Variants in SNRPN observed in about 807,000 individuals in gnomAD.
The protein encoded by SNRPN is small nuclear ribonucleoprotein polypeptide N, also known as small nuclear ribonucleoprotein-associated protein N.
Under a neutral mutation model 25.2 loss-of-function variants are expected in SNRPN, and 7 were observed. The observed-to-expected ratio is 0.28, with a 90% CI of 0.16 to 0.52. The LOEUF (loss-of-function observed/expected upper bound fraction) is 0.52. Among genes scored for constraint, SNRPN ranks in the 20% least tolerant of loss-of-function variants. The probability of loss-of-function intolerance (pLI) is 0.96; values close to 1 mark genes in which losing one functional copy is unlikely to be tolerated. For synonymous variants in SNRPN, 124 were observed against 110.6 expected (o/e 1.12, Z -0.76); for missense variants, 196 against 322.5 (o/e 0.61, Z 3.00).
upstream of SNRPN, among the ~76,000 whole-genome samples, chr15:24,950,644 C>T (rs1403785131): frequency 7.0e-6 from 1 of 143,540 alleles, no homozygotes; most frequent in Non-Finnish European, 1.5e-5. Context: ...ACCTCTCAGG[C>T]TCAAGTGATT....
At chr15:24,840,879 C>T (rs781686329) in intron 2 of SNRPN, among the ~76,000 whole-genome samples, 8 of 152,114 alleles carry the variant, frequency 5.3e-5, no homozygotes, top group Non-Finnish European at 1.0e-4. Context: ...CGGAGTCTTG[C>T]TCTGTCACCC....
chr15:24,900,275 C>T (rs142283381), intron 2 of SNRPN, among the ~76,000 whole-genome samples: 1 of 151,976 alleles, frequency 6.6e-6, no homozygotes, highest in East Asian at 1.9e-4. Context: ...ACTTCCATGG[C>T]GACTATAAAG....
intron 2 of SNRPN, among the ~76,000 whole-genome samples, chr15:24,889,761 T>C (rs1266497890): frequency 2.0e-5 from 3 of 151,590 alleles, no homozygotes; most frequent in African/African-American, 4.8e-5. Flanking sequence ...CAGAATAGGA[T>C]ACCCCTGGCT....
chr15:24,827,203 A>G (rs12442244), intron 1 of SNRPN, among the ~76,000 whole-genome samples: 81,903 of 151,806 alleles, frequency 0.54, 22,666 homozygotes, highest in East Asian at 0.81. Flanking sequence ...ATTATTGTAC[A>G]CTACTGTAGA....
chr15:24,837,393 A>T (rs1339699175), intron 2 of SNRPN, among the ~76,000 whole-genome samples: 1 of 145,172 alleles, frequency 6.9e-6, no homozygotes, highest in African/African-American at 2.6e-5. Context: ...TTTGAGGTGG[A>T]GTCTCACTGT....
At chr15:24,859,730 AG>A (rs1452202407) in intron 1 of SNRPN, among the ~76,000 whole-genome samples, 38 of 152,344 alleles carry the variant, frequency 2.5e-4, no homozygotes, top group African/African-American at 8.9e-4. Flanking sequence ...TAGACAGAGC[AG>A]CCCTGTGGGC....
chr15:24,862,142 T>G (rs2054040873), intron 1 of SNRPN, among the ~76,000 whole-genome samples: 1 of 151,078 alleles, frequency 6.6e-6, no homozygotes, highest in Non-Finnish European at 1.5e-5. Flanking sequence ...CTAACGCTAT[T>G]GTAATAAAAT....
chr15:24,848,082 C>T (rs1215955053), intron 2 of SNRPN, among the ~76,000 whole-genome samples: 1 of 151,966 alleles, frequency 6.6e-6, no homozygotes, highest in Middle Eastern at 3.2e-3. Context: ...ACTCCTGGTC[C>T]CCCGCGATTC....
In SNRPN at chr15:24,926,760, C is replaced by G. The variant is rs375186665; in HGVS notation, c.-391+6636C>G. On this transcript the variant is annotated intron_variant, in intron 3 of 11. Transcript: ENST00000400097. ...TGGCTCACGGGTATAATCCCAGCAC[C>G]GTGGGAGGCTGAGATGGGTGGATTG... Among the ~76,000 whole-genome samples the G allele has an allele frequency of 2.6e-5, 4 of 151,718 alleles. No individual in the cohort carries two copies. In the East Asian group the frequency reaches 5.8e-4, roughly 22 times the overall value.
At position 24,863,394 on chromosome 15, in the gene SNRPN, C is replaced by T. The variant is rs527365824; in HGVS notation, c.-579+6678C>T. 5.9e-4 allele frequency among the ~76,000 whole-genome samples: 89 copies of T among 150,192 alleles called. 5 individuals carry two copies. The highest frequency in any genetic ancestry group is 2.2e-3 in the African/African-American group (86 of 39,956). On this transcript the variant is annotated intron_variant, in intron 1 of 11. Transcript: ENST00000400097. Reference sequence around the variant, plus strand: ...GGTTGGCAGGGGGCTGCAGAGGTGGCAGCAATGATGGTGGTGGGCAGTGTG... The same window carrying T: ...GGTTGGCAGGGGGCTGCAGAGGTGGTAGCAATGATGGTGGTGGGCAGTGTG...
rs186725961 is a variant in SNRPN, at chr15:24,836,218, A to G, written c.-579+6313A>G. Among the ~76,000 whole-genome samples the G allele has an allele frequency of 5.3e-4, 81 of 152,156 alleles. 2 individuals are homozygous for G. In the East Asian group the frequency reaches 8.3e-3, roughly 16 times the overall value. On this transcript the variant is annotated intron_variant, in intron 2 of 12. Coordinates refer to the SNRPN transcript ENST00000400100. The stretch of plus-strand genomic sequence containing the variant: ...ATTCTTATAGGGACACCAGGCAGAT[A>G]GGATTTGGCCCACCTTAATGACCTC...
intron 6 of SNRPN, 145 bp downstream of exon 6, chr15:24,976,561 G>A (rs1414579026): frequency 1.4e-6 from 1 of 692,620 alleles, no homozygotes; most frequent in Non-Finnish European, 2.5e-6. Context: ...ATTGTTGGTT[G>A]CCTATGCTAT....
At chr15:24,839,312 G>A (rs1379449525) in intron 2 of SNRPN, among the ~76,000 whole-genome samples, 1 of 152,060 alleles carries the variant, frequency 6.6e-6, no homozygotes, top group African/African-American at 2.4e-5. Flanking sequence ...TGCTGGTCAT[G>A]TAGTGAAGGA....
chr15:24,968,007 A>T lies in SNRPN; in HGVS notation c.-219A>T, dbSNP rs200974605. 36 of 1,613,994 alleles carry T rather than the reference A, an allele frequency of 2.2e-5. No homozygotes were observed. In the Admixed American group the frequency reaches 5.8e-4, roughly 26 times the overall value. ...ATTTCCAGGCTGAACTGAGGCAGGCATTCTTAGCTGAGACACCAAGAGGTG... is the reference window on the plus strand; with the variant it reads ...ATTTCCAGGCTGAACTGAGGCAGGCTTTCTTAGCTGAGACACCAAGAGGTG... On this transcript the variant is annotated 5_prime_UTR_variant, in exon 3 of 10. Transcript: ENST00000390687.
At chr15:24,873,874 T>C (rs929558822) in intron 1 of SNRPN, among the ~76,000 whole-genome samples, 1 of 152,124 alleles carries the variant, frequency 6.6e-6, no homozygotes, top group Non-Finnish European at 1.5e-5. Flanking sequence ...TAGACCACAT[T>C]TCTCACTTCT....
At chr15:24,845,675 T>C (rs935345008) in intron 2 of SNRPN, among the ~76,000 whole-genome samples, 3 of 152,202 alleles carry the variant, frequency 2.0e-5, no homozygotes, top group Non-Finnish European at 2.9e-5. Flanking sequence ...CTAAATTGGT[T>C]TGGCTATACT....
At chr15:24,910,438 G>A (rs796611027) in intron 2 of SNRPN, among the ~76,000 whole-genome samples, 5 of 152,136 alleles carry the variant, frequency 3.3e-5, no homozygotes, top group African/African-American at 7.2e-5. Context: ...AGCTATGATC[G>A]TACCACAGTC....
In SNRPN at chr15:24,977,134, A is replaced by G. The variant is rs1332385218; in HGVS notation, c.420+105A>G. ...GTATGTGTCATACAATGTAAACAGC[A>G]TATGGTTTAGGAGGAACCAAAACAC... is the stretch of plus-strand genomic sequence containing the variant. On this transcript the variant is annotated intron_variant, in intron 7 of 9. Transcript: ENST00000390687. 5 of 918,078 alleles carry G rather than the reference A, an allele frequency of 5.4e-6. No homozygotes were observed. In the East Asian group the frequency reaches 1.2e-4, roughly 22 times the overall value. 56.9% of individuals were successfully genotyped at this position (918,078 alleles called of 1,614,324 possible).
At chr15:24,918,563 AATATAT>A (rs1394886398) in intron 2 of SNRPN, among the ~76,000 whole-genome samples, 1 of 89,468 alleles carries the variant, frequency 1.1e-5, no homozygotes. Context: ...TATATAACAT[AATATAT>A]ATGTATATAT....
Sources: allele counts gnomAD v4.1 joint callset (sites outside exome capture counted in the v4.1 genomes callset), GRCh38; gene constraint gnomAD v4.1.1; transcripts MANE v1.5; gene names NCBI Gene and HGNC (gene_info 2026-07-23, HGNC 2026-07-21).